CADM2: variants seen among roughly 807,000 people sequenced by gnomAD.
CADM2 encodes the protein immunoglobulin superfamily member 4D.
A neutral mutation model predicts 49.8 loss-of-function variants in CADM2; 12 were observed. The ratio of observed to expected loss-of-function variants is 0.24; its 90% confidence interval spans 0.15 to 0.39. The LOEUF is 0.39. Ranked by LOEUF, CADM2 falls within the 10% of genes least tolerant of loss-of-function variation. The pLI is 1.00. For synonymous variants in CADM2, 214 were observed against 175.4 expected (o/e 1.22, Z -1.74); for missense variants, 378 against 492.3 (o/e 0.77, Z 2.20).
chr3:85,724,029 A>G (rs755530053), intron 1 of CADM2, among the ~76,000 whole-genome samples: 10 of 151,958 alleles, frequency 6.6e-5, no homozygotes, highest in Non-Finnish European at 1.5e-4. Flanking sequence ...AAAACAAACA[A>G]TACACACAAA....
At chr3:85,954,616 G>T (rs906732506) in intron 7 of CADM2, among the ~76,000 whole-genome samples, 1 of 150,916 alleles carries the variant, frequency 6.6e-6, no homozygotes, top group Non-Finnish European at 1.5e-5. Context: ...TTTGGGCTTC[G>T]TTTAGAGATG....
At chr3:85,607,149 A>G (rs1337248023) in intron 1 of CADM2, among the ~76,000 whole-genome samples, 1 of 152,198 alleles carries the variant, frequency 6.6e-6, no homozygotes, top group East Asian at 1.9e-4. Flanking sequence ...AAGAGGTTTA[A>G]GAAGATGAAG....
intron 1 of CADM2, among the ~76,000 whole-genome samples, chr3:85,016,914 CT>C (rs2034274694): frequency 6.6e-6 from 1 of 152,154 alleles, no homozygotes; most frequent in Admixed American, 6.6e-5. Context: ...AAATATAACA[CT>C]TCAGTGAAAA....
At position 85,304,971 on chromosome 3, in the gene CADM2, T is replaced by C. The variant is rs545508095; in HGVS notation, c.61+345303T>C. Among the ~76,000 whole-genome samples the C allele has an allele frequency of 5.9e-4, 89 of 151,870 alleles. 3 individuals carry two copies. The South Asian group carries it at 0.017, about 29-fold the overall frequency. On this transcript the variant is annotated intron_variant, in intron 1 of 9. Coordinates refer to ENST00000383699, the MANE Select transcript of CADM2 (RefSeq NM_001167675.2). Reference sequence around the variant, plus strand: ...GAAGATATTAATGGTTTTGAAGTAATACAAATTATTGTAGCTATTGAAAAG... The same window carrying C: ...GAAGATATTAATGGTTTTGAAGTAACACAAATTATTGTAGCTATTGAAAAG...
chr3:85,091,451 G>A (rs965300302), intron 1 of CADM2, among the ~76,000 whole-genome samples: 7 of 152,066 alleles, frequency 4.6e-5, no homozygotes, highest in African/African-American at 1.2e-4. Context: ...GTAAGATATC[G>A]TGTAGAAAAC....
chr3:85,462,316 C>T (rs1170802030), intron 1 of CADM2, among the ~76,000 whole-genome samples: 2 of 152,156 alleles, frequency 1.3e-5, no homozygotes, highest in Non-Finnish European at 2.9e-5. Flanking sequence ...AATAGAACAG[C>T]TGTAGTGATC....
At chr3:85,586,675 G>A (rs1223438532) in intron 1 of CADM2, among the ~76,000 whole-genome samples, 1 of 152,066 alleles carries the variant, frequency 6.6e-6, no homozygotes, top group Non-Finnish European at 1.5e-5. Context: ...TGGTGCAAAA[G>A]TAACTGTGGT....
At chr3:85,692,022 G>A (rs1381082254) in intron 1 of CADM2, among the ~76,000 whole-genome samples, 1 of 152,144 alleles carries the variant, frequency 6.6e-6, no homozygotes, top group Non-Finnish European at 1.5e-5. Flanking sequence ...TATACCTAAT[G>A]TTAAATGACG....
intron 8 of CADM2, among the ~76,000 whole-genome samples, chr3:86,030,688 G>A (rs893683817): frequency 2.0e-5 from 3 of 151,730 alleles, no homozygotes; most frequent in Admixed American, 1.3e-4. Flanking sequence ...ATTATATAAG[G>A]TCAACGCTAT....
rs150080453 is a variant in CADM2 at position 85,927,671 on chromosome 3, A to G, written c.701-8096A>G. 7.9e-4 allele frequency among the ~76,000 whole-genome samples: 120 copies of G among 152,248 alleles called. 1 individual carries two copies. The East Asian group carries it at 0.017, about 21-fold the overall frequency. The stretch of plus-strand genomic sequence containing the variant: ...GCTACTTTGTGTTACAAACCACTGT[A>G]TTTCTTCACTCACTACATTATGCAA... On this transcript the variant is annotated intron_variant, in intron 6 of 9. Transcript: ENST00000383699.
chr3:85,374,642 C>T (rs2033478311), intron 1 of CADM2, among the ~76,000 whole-genome samples: 1 of 152,176 alleles, frequency 6.6e-6, no homozygotes, highest in Non-Finnish European at 1.5e-5. Context: ...GTTTAATGGA[C>T]TCACAGTTTC....
chr3:85,133,760 C>T (rs1049173086), intron 1 of CADM2, among the ~76,000 whole-genome samples: 5 of 152,248 alleles, frequency 3.3e-5, no homozygotes, highest in Admixed American at 6.5e-5. Flanking sequence ...TAAAGGTTCT[C>T]CACGTCCCCT....
At chr3:85,082,034 TA>T (rs1365961350) in intron 1 of CADM2, among the ~76,000 whole-genome samples, 3 of 152,164 alleles carry the variant, frequency 2.0e-5, no homozygotes, top group Admixed American at 2.0e-4. Flanking sequence ...TTGGGGCATA[TA>T]TATTATCCAC....
chr3:85,079,704 T>C (rs1301797235), intron 1 of CADM2, among the ~76,000 whole-genome samples: 1 of 151,694 alleles, frequency 6.6e-6, no homozygotes, highest in African/African-American at 2.4e-5. Flanking sequence ...ATATAATAAA[T>C]ACAAAAATAA....
chr3:85,935,440 C>T (rs1361381712), intron 6 of CADM2, among the ~76,000 whole-genome samples: 2 of 152,034 alleles, frequency 1.3e-5, no homozygotes, highest in Non-Finnish European at 2.9e-5. Flanking sequence ...TCATAGCCAT[C>T]TATAAATAGT....
chr3:85,628,922 C>T (rs938107107), intron 1 of CADM2, among the ~76,000 whole-genome samples: 1 of 151,072 alleles, frequency 6.6e-6, no homozygotes, highest in Non-Finnish European at 1.5e-5. Flanking sequence ...GTTTAATAGT[C>T]TAGAATTGTT....
At chr3:85,869,955 C>A (rs1306296404) in intron 3 of CADM2, among the ~76,000 whole-genome samples, 3 of 152,170 alleles carry the variant, frequency 2.0e-5, no homozygotes, top group African/African-American at 7.2e-5. Flanking sequence ...GCCACCGCGC[C>A]CTGCCCTATC....
intron 3 of CADM2, among the ~76,000 whole-genome samples, chr3:85,843,253 T>C (rs1407657081): frequency 1.3e-5 from 2 of 152,114 alleles, no homozygotes; most frequent in East Asian, 3.9e-4. Context: ...TTAGATAATA[T>C]TTTGCTTTCT....
At chr3:85,717,673 G>C (rs1037101502) in intron 1 of CADM2, among the ~76,000 whole-genome samples, 3 of 152,172 alleles carry the variant, frequency 2.0e-5, no homozygotes, top group African/African-American at 7.2e-5. Flanking sequence ...TCAATACCTA[G>C]TTTATTGAGT....
Sources: allele counts gnomAD v4.1 joint callset (sites outside exome capture counted in the v4.1 genomes callset), GRCh38; gene constraint gnomAD v4.1.1; transcripts MANE v1.5; gene names NCBI Gene and HGNC (gene_info 2026-07-23, HGNC 2026-07-21).